Variants in EEF2K observed in about 807,000 individuals in gnomAD.
EEF2K encodes the protein alternative protein EEF2K.
A neutral mutation model predicts 93.8 loss-of-function variants in EEF2K; 70 were observed. The ratio of observed to expected loss-of-function variants is 0.75; its 90% CI spans 0.62 to 0.91. The LOEUF is 0.91. Among genes scored for constraint, EEF2K ranks in the 40% least tolerant of loss-of-function variants. The pLI, the probability that EEF2K is intolerant of heterozygous loss-of-function variation, is 0.00. For missense variants in EEF2K, 935 were observed against 972.9 expected, an observed-to-expected ratio of 0.96 and a Z score of 0.52; for synonymous variants, 376 against 380.8, an observed-to-expected ratio of 0.99 and a Z score of 0.15.
chr16:22,283,816 G>A, intron 17 of EEF2K, 71 bp from the exon 18 acceptor site: 1 of 1,423,914 alleles, frequency 7.0e-7, no homozygotes, highest in Non-Finnish European at 9.7e-7. Context: ...TGGGAGGGGT[G>A]ATGGGGGACA....
At chr16:22,207,889 G>T (rs2046878857) in intron 1 of EEF2K, among the ~76,000 whole-genome samples, 1 of 152,148 alleles carries the variant, frequency 6.6e-6, no homozygotes, top group African/African-American at 2.4e-5. Context: ...GCTTCCTGTA[G>T]CAAGTGCTGT....
Position 22,266,601 on chromosome 16 carries a change from C to T in EEF2K, c.1575+77C>T, listed in dbSNP as rs115761446. The T allele has an allele frequency of 1.0e-3, 1,627 of 1,593,694 alleles. 17 individuals carry two copies. The African/African-American group carries it at 0.02, about 19-fold the overall frequency. On this transcript the variant is annotated intron_variant, in intron 14 of 17. Coordinates refer to ENST00000263026, the MANE Select transcript of EEF2K (RefSeq NM_013302.5). ...CAGCTCCAGCCTCTCCTCCGCTAAT[C>T]ACTTCCTCCCGCAGGCTGGCTGGGC...
chr16:22,210,513 C>T (rs1318607454), intron 1 of EEF2K, among the ~76,000 whole-genome samples: 5 of 152,108 alleles, frequency 3.3e-5, no homozygotes, highest in Admixed American at 2.0e-4. Context: ...GTGGCTGCTG[C>T]GGCAGCTGGT....
At chr16:22,237,835 T>G (rs1400499126) in intron 2 of EEF2K, among the ~76,000 whole-genome samples, 1 of 152,302 alleles carries the variant, frequency 6.6e-6, no homozygotes, top group Non-Finnish European at 1.5e-5. Flanking sequence ...CCTCTTTTTG[T>G]GCATTTGCAT....
rs200544061 is a variant in EEF2K, at chr16:22,258,695, C to T, written c.1231C>T (p.His411Tyr). The change falls in exon 10 of 18, where the codon CAT becomes TAT. Residue 411 changes from histidine to tyrosine, a missense_variant and splice_region_variant. His to Tyr is a moderately conservative substitution (Grantham distance 83). Coordinates refer to ENST00000263026, the MANE Select transcript of EEF2K (RefSeq NM_013302.5). ...ACACAGCCAGAAGCTAGACCACCTC[C>T]GTGAGTGACGGTTCGGTCCCTAGTC... Reference protein sequence around the residue: ...TPHSQKLDHLHWPVFSDLDNM... With the variant: ...TPHSQKLDHLYWPVFSDLDNM... 1.9e-4 allele frequency: 300 copies of T among 1,614,114 alleles called. No homozygotes were observed. Among genetic ancestry groups the T allele is most frequent in the Non-Finnish European group, 2.2e-4 (264 of 1,180,040 alleles).
intron 17 of EEF2K, among the ~76,000 whole-genome samples, chr16:22,281,127 A>G (rs2047689246): frequency 6.6e-6 from 1 of 151,558 alleles, no homozygotes; most frequent in African/African-American, 2.4e-5. Context: ...GGGTTTCACC[A>G]TGTTGGCCAG....
At chr16:22,235,696 C>G in intron 2 of EEF2K, among the ~76,000 whole-genome samples, 1 of 152,142 alleles carries the variant, frequency 6.6e-6, no homozygotes, top group Non-Finnish European at 1.5e-5. Flanking sequence ...TGGGGTTTCT[C>G]CATGTTGGTC....
chr16:22,237,992 T>A (rs1256887981), intron 2 of EEF2K, among the ~76,000 whole-genome samples: 1 of 151,906 alleles, frequency 6.6e-6, no homozygotes, highest in Non-Finnish European at 1.5e-5. Flanking sequence ...AAACAATAGG[T>A]CTTAGAAATT....
At chr16:22,217,742 C>T (rs1413718969) in intron 1 of EEF2K, among the ~76,000 whole-genome samples, 1 of 152,110 alleles carries the variant, frequency 6.6e-6, no homozygotes, top group African/African-American at 2.4e-5. Context: ...CGTGAGCCAC[C>T]GTGCCTGGCT....
At chr16:22,229,640 G>A (rs1312669571) in intron 2 of EEF2K, among the ~76,000 whole-genome samples, 3 of 152,200 alleles carry the variant, frequency 2.0e-5, no homozygotes, top group Non-Finnish European at 2.9e-5. Context: ...GGCGGAGGTT[G>A]CAGTGAGCCA....
chr16:22,251,046 C>T (rs1423275232), intron 5 of EEF2K, 105 bp from the exon 6 acceptor site: 3 of 1,415,446 alleles, frequency 2.1e-6, no homozygotes, highest in Non-Finnish European at 2.9e-6. Context: ...CTGCTGCCAG[C>T]CACCCAGCCA....
chr16:22,244,645 G>A lies in EEF2K; in HGVS notation c.262G>A (p.Ala88Thr), dbSNP rs1315933393. 4.3e-6 allele frequency: 7 copies of A among 1,613,888 alleles called. No individual in the cohort carries two copies. The South Asian group carries it at 4.4e-5, about 10-fold the overall frequency. Residue 88 changes from alanine (A) to threonine (T), a missense_variant, in exon 3 of 18, where the codon GCA becomes ACA. By Grantham distance (58) the Ala-to-Thr change is moderately conservative (BLOSUM62 0). Coordinates refer to ENST00000263026, the MANE Select transcript of EEF2K (RefSeq NM_013302.5). ...SFHFKEAWKH[A>T]IQKAKHMPDP... is the part of the protein sequence containing the mutation. The stretch of plus-strand genomic sequence containing the variant: ...CCTTCCACAGGAAGCCTGGAAGCAC[G>A]CAATCCAGAAGGCCAAGCACATGCC...
At chr16:22,261,511 A>G (rs1308442183) in intron 11 of EEF2K, among the ~76,000 whole-genome samples, 1 of 151,878 alleles carries the variant, frequency 6.6e-6, no homozygotes, top group Non-Finnish European at 1.5e-5. Flanking sequence ...CCAACATGCC[A>G]AAACCCCATG....
At chr16:22,267,048 T>C (rs2047531788) in intron 15 of EEF2K, among the ~76,000 whole-genome samples, 172 bp downstream of exon 15, 1 of 152,182 alleles carries the variant, frequency 6.6e-6, no homozygotes, top group Non-Finnish European at 1.5e-5. Context: ...TCCAAGTTAG[T>C]TGAAACTGGC....
chr16:22,252,745 A>T (rs1408370426), intron 6 of EEF2K, among the ~76,000 whole-genome samples: 1 of 152,228 alleles, frequency 6.6e-6, no homozygotes. Flanking sequence ...GGTTTAATGG[A>T]CAGATAGTTC....
chr16:22,233,341 T>C (rs1288560645), intron 2 of EEF2K, among the ~76,000 whole-genome samples: 1 of 152,060 alleles, frequency 6.6e-6, no homozygotes. Context: ...AGGGAGCAAA[T>C]ACATGTTTTT....
intron 10 of EEF2K, among the ~76,000 whole-genome samples, chr16:22,259,050 TA>T (rs1341551713): frequency 6.6e-6 from 1 of 152,048 alleles, no homozygotes; most frequent in African/African-American, 2.4e-5. Context: ...TATTAACAAA[TA>T]AAAATAGTAC....
At chr16:22,263,034 G>A in intron 11 of EEF2K, 76 bp from the exon 12 acceptor site, 4 of 1,355,688 alleles carry the variant, frequency 3.0e-6, no homozygotes, top group South Asian at 1.2e-5. Context: ...GCTAACAGTT[G>A]GGGTGTTGAG....
At chr16:22,267,660 G>T (rs1477661061) in intron 15 of EEF2K, among the ~76,000 whole-genome samples, 2 of 152,090 alleles carry the variant, frequency 1.3e-5, no homozygotes, top group African/African-American at 4.8e-5. Flanking sequence ...AGTGAGCCAG[G>T]CCAAGTGGGG....
Sources: gnomAD v4.1 joint callset for allele counts (sites outside exome capture counted in the v4.1 genomes callset) on GRCh38, gnomAD v4.1.1 for gene constraint, MANE v1.5 for transcripts, NCBI Gene and HGNC (gene_info 2026-07-23, HGNC 2026-07-21) for gene names.